B4GALT1: variants seen among roughly 807,000 people sequenced by gnomAD.
The protein encoded by B4GALT1 is N-acetyllactosamine synthase.
B4GALT1 carries 16 observed loss-of-function variants against 34.9 expected under a neutral mutation model. The ratio of observed to expected loss-of-function variants is 0.46; its 90% CI spans 0.31 to 0.70. B4GALT1 has a LOEUF of 0.70. Ranked by LOEUF, B4GALT1 falls within the 30% of genes least tolerant of loss-of-function variation. The pLI, the probability that B4GALT1 is intolerant of heterozygous loss-of-function variation, is 0.05. For missense variants in B4GALT1, 445 were observed against 530.5 expected (o/e 0.84, Z 1.58); for synonymous variants, 221 against 218.1 (o/e 1.01, Z -0.12).
the B4GALT1 span, among the ~76,000 whole-genome samples, chr9:33,182,313 C>T: frequency 6.6e-6 from 1 of 152,186 alleles, no homozygotes; most frequent in African/African-American, 2.4e-5. Context: ...CTTGGGCTCA[C>T]CCTAATCCAG....
chr9:33,127,163 C>A (rs922781257), intron 2 of B4GALT1, among the ~76,000 whole-genome samples: 1 of 152,090 alleles, frequency 6.6e-6, no homozygotes, highest in African/African-American at 2.4e-5. Context: ...CGGGGTTTCA[C>A]CATGTTAGCC....
rs190558555 is a variant in B4GALT1, at chr9:33,113,168, A to C, written c.*286T>G. 8.8e-3 allele frequency: 4,026 copies of C among 456,126 alleles called. 29 individuals carry two copies. The highest frequency in any genetic ancestry group is 0.013 in the Non-Finnish European group (3,134 of 249,562). The allele number at this position is 456,126 out of a possible 1,614,324, so 28.3% of individuals were successfully genotyped here. A position where few individuals can be genotyped will look rare whatever the true frequency, so the allele number is the denominator to read the frequency against. The stretch of plus-strand genomic sequence containing the variant: ...ACCGGGAATGTGTTCCACGGCCACC[A>C]AATTTTGGGATGTGTACAGTTCTGA... On this transcript the variant is annotated 3_prime_UTR_variant, in exon 6 of 6. Coordinates refer to ENST00000379731, the MANE Select transcript of B4GALT1 (RefSeq NM_001497.4).
At chr9:33,176,165 C>A in the B4GALT1 span, among the ~76,000 whole-genome samples, 2 of 152,188 alleles carry the variant, frequency 1.3e-5, no homozygotes, top group African/African-American at 4.8e-5. Flanking sequence ...TCCTTTGAGT[C>A]ATTCCTCCTT....
At position 33,116,110 on chromosome 9, in the gene B4GALT1, T is replaced by C. The variant is rs1247380560; in HGVS notation, c.840A>G (p.Leu280=). The change falls in exon 4 of 6, where the codon CTA becomes CTG. Residue 280 remains leucine (L), a synonymous_variant. Transcript: ENST00000379731. Reference sequence around the variant, plus strand: ...CACCTCCAAAATACTGAACATAAGGTAGGCTGGAGGAAAAACATACACACA... The same window carrying C: ...CACCTCCAAAATACTGAACATAAGGCAGGCTGGAGGAAAAACATACACACA... The part of the protein sequence containing the change: ...SVAMDKFGFS[L]PYVQYFGGVS... 6 of 1,613,024 alleles carry C rather than the reference T, an allele frequency of 3.7e-6. No homozygotes were observed. Among genetic ancestry groups the C allele is most frequent in the East Asian group, 2.2e-5 (1 of 44,834 alleles).
At chr9:33,175,982 A>G in the B4GALT1 span, among the ~76,000 whole-genome samples, 1 of 152,248 alleles carries the variant, frequency 6.6e-6, no homozygotes, top group East Asian at 1.9e-4. Context: ...AGGACAAGAA[A>G]ACCACAATAG....
the B4GALT1 span, among the ~76,000 whole-genome samples, chr9:33,180,251 G>A: frequency 2.6e-5 from 4 of 151,964 alleles, no homozygotes; most frequent in Non-Finnish European, 5.9e-5. Context: ...TCCCTGTCCC[G>A]ATTATTCGTC....
At chr9:33,183,101 A>C in the B4GALT1 span, among the ~76,000 whole-genome samples, 284 of 152,270 alleles carry the variant, frequency 1.9e-3, 1 homozygote, top group African/African-American at 6.5e-3. Flanking sequence ...GAAATAAAAA[A>C]TTCATAAGTT....
chr9:33,121,494 C>T (rs149677532), intron 2 of B4GALT1, among the ~76,000 whole-genome samples: 1 of 149,920 alleles, frequency 6.7e-6, no homozygotes, highest in East Asian at 2.0e-4. Flanking sequence ...TCGCGAGTAG[C>T]TGGGATTACA....
At chr9:33,175,577 T>C in the B4GALT1 span, among the ~76,000 whole-genome samples, 1 of 152,200 alleles carries the variant, frequency 6.6e-6, no homozygotes, top group East Asian at 1.9e-4. Flanking sequence ...CATAAGATTA[T>C]AATAAAGCTG....
the B4GALT1 span, among the ~76,000 whole-genome samples, chr9:33,180,354 C>T: frequency 1.4e-4 from 21 of 152,272 alleles, no homozygotes; most frequent in Middle Eastern, 3.4e-3. Flanking sequence ...TAGAGCAGGA[C>T]CATCATCTCC....
intron 1 of B4GALT1, among the ~76,000 whole-genome samples, chr9:33,162,758 G>T (rs1034743462): frequency 2.0e-5 from 3 of 152,192 alleles, no homozygotes; most frequent in Non-Finnish European, 2.9e-5. Flanking sequence ...TGGTTCATCA[G>T]AGGCTCCACT....
chr9:33,128,781 A>C (rs1008842359), intron 2 of B4GALT1, among the ~76,000 whole-genome samples: 1 of 152,142 alleles, frequency 6.6e-6, no homozygotes, highest in Non-Finnish European at 1.5e-5. Context: ...CAATGAGGCC[A>C]TAAGCCCAGG....
intron 1 of B4GALT1, among the ~76,000 whole-genome samples, chr9:33,136,117 AAC>A (rs1840269077): frequency 1.3e-5 from 2 of 152,144 alleles, no homozygotes; most frequent in Admixed American, 1.3e-4. Flanking sequence ...AATAGCTGGA[AAC>A]ACAGAAGAAT....
chr9:33,154,858 C>T (rs1840574075), intron 1 of B4GALT1, among the ~76,000 whole-genome samples: 1 of 151,856 alleles, frequency 6.6e-6, no homozygotes, highest in Non-Finnish European at 1.5e-5. Context: ...TTAACCTCAT[C>T]GGCTATAATT....
the B4GALT1 span, among the ~76,000 whole-genome samples, chr9:33,184,728 G>A: frequency 2.6e-4 from 39 of 152,282 alleles, no homozygotes; most frequent in African/African-American, 8.7e-4. Flanking sequence ...GAGCTGCAAC[G>A]CTCTAAACCA....
chr9:33,113,188 T>C lies in B4GALT1; in HGVS notation c.*266A>G, dbSNP rs986446525. On this transcript the variant is annotated 3_prime_UTR_variant, in exon 6 of 6. Transcript: ENST00000379731. Reference sequence around the variant, plus strand: ...CCACCAAATTTTGGGATGTGTACAGTTCTGACTCTGGGGTGACACTGCGAA... The same window carrying C: ...CCACCAAATTTTGGGATGTGTACAGCTCTGACTCTGGGGTGACACTGCGAA... 3.8e-6 allele frequency: 2 copies of C among 525,458 alleles called. No individual in the cohort carries two copies. The highest frequency in any genetic ancestry group is 6.9e-6 in the Non-Finnish European group (2 of 289,146). 32.5% of individuals were successfully genotyped at this position (525,458 alleles called of 1,614,324 possible).
chr9:33,142,575 C>T (rs1350044823), intron 1 of B4GALT1, among the ~76,000 whole-genome samples: 3 of 152,174 alleles, frequency 2.0e-5, no homozygotes, highest in Non-Finnish European at 2.9e-5. Flanking sequence ...CACCAACTCA[C>T]CATCCAAGCC....
chr9:33,175,020 T>TATATATATATATATATATATATATAA, the B4GALT1 span, among the ~76,000 whole-genome samples: 15 of 39,070 alleles, frequency 3.8e-4, no homozygotes, highest in Non-Finnish European at 6.7e-4. Flanking sequence ...TATATATATA[T>TATATATATATATATATATATATATAA]AAAATTGGAG....
At chr9:33,159,685 C>T (rs1840647409) in intron 1 of B4GALT1, among the ~76,000 whole-genome samples, 1 of 152,182 alleles carries the variant, frequency 6.6e-6, no homozygotes, top group Non-Finnish European at 1.5e-5. Flanking sequence ...TATGGCTCCT[C>T]CCTAGATCTC....
Sources: gnomAD v4.1 joint callset for allele counts (sites outside exome capture counted in the v4.1 genomes callset) on GRCh38, gnomAD v4.1.1 for gene constraint, MANE v1.5 for transcripts, NCBI Gene and HGNC (gene_info 2026-07-23, HGNC 2026-07-21) for gene names.